Variants in PRSS23 observed in about 807,000 individuals in gnomAD.
PRSS23 encodes serine protease 23, also known as protease, serine 23.
Under a neutral mutation model 34.7 loss-of-function variants are expected in PRSS23, and 25 were observed. The ratio of observed to expected loss-of-function variants is 0.72; its 90% CI spans 0.53 to 1.01. The LOEUF is 1.01. Among genes scored for constraint, PRSS23 ranks in the 50% least tolerant of loss-of-function variants. The probability of loss-of-function intolerance (pLI) is 0.00; values close to 1 mark genes in which losing one functional copy is unlikely to be tolerated. For synonymous variants in PRSS23, 176 were observed against 186.6 expected (o/e 0.94, Z 0.46); for missense variants, 445 against 475.6 (o/e 0.94, Z 0.60).
intron 2 of PRSS23, among the ~76,000 whole-genome samples, chr11:86,894,945 C>T (rs1446310337): frequency 6.6e-6 from 1 of 152,152 alleles, no homozygotes; most frequent in Admixed American, 6.5e-5. Flanking sequence ...TATTACCTTC[C>T]TCTCTATTGA....
intron 2 of PRSS23, among the ~76,000 whole-genome samples, chr11:86,868,060 C>T (rs950996203): frequency 6.8e-6 from 1 of 146,608 alleles, no homozygotes; most frequent in Non-Finnish European, 1.5e-5. Context: ...AAGCCAAAGG[C>T]CAAGGAGGAA....
chr11:86,887,285 A>C (rs2134967512), intron 2 of PRSS23, among the ~76,000 whole-genome samples: 1 of 152,218 alleles, frequency 6.6e-6, no homozygotes, highest in South Asian at 2.1e-4. Context: ...TCTTGAGGCA[A>C]TGTTTGGTAG....
intron 2 of PRSS23, among the ~76,000 whole-genome samples, chr11:86,915,221 A>G (rs1949004124): frequency 6.6e-6 from 1 of 152,196 alleles, no homozygotes; most frequent in Non-Finnish European, 1.5e-5. Flanking sequence ...AGGAGAGTAG[A>G]AGAAAACTCT....
chr11:86,849,460 G>A (rs191189094), intron 2 of PRSS23, among the ~76,000 whole-genome samples: 14 of 152,230 alleles, frequency 9.2e-5, no homozygotes, highest in Admixed American at 9.2e-4. Flanking sequence ...TCTGGGCCTT[G>A]GAAGGACAAT....
intron 1 of PRSS23, among the ~76,000 whole-genome samples, chr11:86,816,509 C>T (rs1051680000): frequency 4.6e-5 from 7 of 152,184 alleles, no homozygotes; most frequent in African/African-American, 7.2e-5. Flanking sequence ...TTTGAGTTAC[C>T]GTCCTGCCTG....
downstream of PRSS23, among the ~76,000 whole-genome samples, chr11:86,815,656 G>T (rs1948210430): frequency 6.6e-6 from 1 of 152,206 alleles, no homozygotes; most frequent in Admixed American, 6.5e-5. Context: ...CCTTGCAAGA[G>T]CAGGGGCTGA....
At chr11:86,827,632 G>C (rs955912764) in intron 2 of PRSS23, among the ~76,000 whole-genome samples, 9 of 152,000 alleles carry the variant, frequency 5.9e-5, no homozygotes, top group African/African-American at 2.2e-4. Context: ...TGGGCATTTA[G>C]TGCTATAAAT....
At chr11:86,896,905 G>A (rs1185002695) in intron 2 of PRSS23, among the ~76,000 whole-genome samples, 3 of 152,144 alleles carry the variant, frequency 2.0e-5, no homozygotes, top group South Asian at 4.1e-4. Context: ...TTAACAAAAC[G>A]CCATCCTATA....
chr11:86,823,451 C>A (rs780508202), exon 2 of PRSS23: 1 of 702,362 alleles, frequency 1.4e-6, no homozygotes, highest in East Asian at 2.7e-5. Context: ...AACTGTGAAG[C>A]GAGAGGGCTC....
upstream of PRSS23, among the ~76,000 whole-genome samples, chr11:86,797,715 C>T (rs534081608): frequency 8.5e-5 from 13 of 152,248 alleles, no homozygotes; most frequent in East Asian, 3.9e-4. Context: ...GACTACACTC[C>T]GAAGCAGAGC....
At chr11:86,861,093 C>T (rs1462056329) in intron 2 of PRSS23, among the ~76,000 whole-genome samples, 12 of 151,338 alleles carry the variant, frequency 7.9e-5, no homozygotes, top group Non-Finnish European at 1.6e-4. Context: ...TAATATTACT[C>T]GAAATATCGT....
rs746470330 is a variant in PRSS23, at chr11:86,951,499, A to G, written c.*214A>G. 2.5e-6 allele frequency: 4 copies of G among 1,614,160 alleles called. No individual in the cohort carries two copies. In the South Asian group the frequency reaches 4.4e-5, roughly 18 times the overall value. The stretch of plus-strand genomic sequence containing the variant: ...CTGTCTTTGTCCCATCCTTTTGAAG[A>G]TTTGACCGAATTTTGAACAAGGCCA... On this transcript the variant is annotated 3_prime_UTR_variant, in exon 3 of 3. Transcript: ENST00000533902.
chr11:86,932,658 T>C (rs1949133799), intron 2 of PRSS23: 1 of 152,208 alleles, frequency 6.6e-6, no homozygotes, highest in Non-Finnish European at 1.5e-5. Flanking sequence ...TAATTTAATG[T>C]TGATTTTGTT....
At chr11:86,829,692 G>C in intron 2 of PRSS23, among the ~76,000 whole-genome samples, 1 of 152,176 alleles carries the variant, frequency 6.6e-6, no homozygotes, top group East Asian at 1.9e-4. Context: ...CTGTTTGTTA[G>C]TTTTCCTTCT....
intron 2 of PRSS23, among the ~76,000 whole-genome samples, chr11:86,862,507 C>T (rs1016644287): frequency 2.6e-5 from 4 of 151,804 alleles, no homozygotes; most frequent in East Asian, 1.9e-4. Flanking sequence ...TGATAATATT[C>T]GTAATATCCT....
At chr11:86,932,698 C>T (rs1949134112) in intron 2 of PRSS23, 1 of 152,012 alleles carries the variant, frequency 6.6e-6, no homozygotes, top group Non-Finnish European at 1.5e-5. Flanking sequence ...TGAGCAGACA[C>T]AGCTGGATCC....
intron 2 of PRSS23, among the ~76,000 whole-genome samples, chr11:86,896,123 A>G (rs571921288): frequency 2.0e-5 from 3 of 152,322 alleles, no homozygotes; most frequent in East Asian, 1.9e-4. Context: ...AGAGACCCCA[A>G]CTAAAACTAC....
chr11:86,803,368 A>G (rs1948062582), intron 1 of PRSS23, among the ~76,000 whole-genome samples: 1 of 152,154 alleles, frequency 6.6e-6, no homozygotes, highest in African/African-American at 2.4e-5. Context: ...GGGATTATGA[A>G]TGTTTTCATT....
chr11:86,912,858 G>A (rs1305952088), intron 2 of PRSS23, among the ~76,000 whole-genome samples: 1 of 152,126 alleles, frequency 6.6e-6, no homozygotes, highest in Non-Finnish European at 1.5e-5. Flanking sequence ...GACATTGTGA[G>A]TGATATGTTG....
Sources: gnomAD v4.1 joint callset for allele counts (sites outside exome capture counted in the v4.1 genomes callset) on GRCh38, gnomAD v4.1.1 for gene constraint, MANE v1.5 for transcripts, NCBI Gene and HGNC (gene_info 2026-07-23, HGNC 2026-07-21) for gene names.